Variants in STMND1 observed in about 807,000 individuals in gnomAD.
The protein encoded by STMND1 is stathmin domain containing 1, also known as stathmin domain-containing protein 1.
Under a neutral mutation model 23.0 loss-of-function variants are expected in STMND1, and 17 were observed. The ratio of observed to expected loss-of-function variants is 0.74; its 90% CI spans 0.51 to 1.11. The LOEUF is 1.11. Among genes scored for constraint, STMND1 ranks in the 50% least tolerant of loss-of-function variants. The pLI is 0.00. For missense variants in STMND1, 305 were observed against 329.1 expected, an observed-to-expected ratio of 0.93 and a Z score of 0.57; for synonymous variants, 114 against 119.9, an observed-to-expected ratio of 0.95 and a Z score of 0.32.
Position 17,102,145 on chromosome 6 carries a change from G to C in STMND1, c.-113G>C, listed in dbSNP as rs1760944816. Reference sequence around the variant, plus strand: ...GTGGCGCCCGAGCGCAGTAGCAGGGGCGTAGGGCGCAGGGCGCAGGAGCGC... The same window carrying C: ...GTGGCGCCCGAGCGCAGTAGCAGGGCCGTAGGGCGCAGGGCGCAGGAGCGC... On this transcript the variant is annotated 5_prime_UTR_variant, in exon 1 of 5. Transcript: ENST00000536551. 1 of 1,085,964 alleles carries C rather than the reference G, an allele frequency of 9.2e-7. No homozygotes were observed. Among genetic ancestry groups the C allele is most frequent in the Admixed American group, 4.1e-5 (1 of 24,128 alleles). The allele number at this position is 1,085,964 out of a possible 1,614,324, so 67.3% of individuals were successfully genotyped here.
chr6:17,107,126 C>T (rs993690617), intron 1 of STMND1, among the ~76,000 whole-genome samples: 9 of 152,078 alleles, frequency 5.9e-5, no homozygotes, highest in Non-Finnish European at 8.8e-5. Context: ...TGTCTATAGA[C>T]AAATATATTC....
At position 17,104,948 on chromosome 6, in the gene STMND1, A is replaced by C. The variant is rs141046908; in HGVS notation, c.81+2610A>C. On this transcript the variant is annotated intron_variant, in intron 1 of 4. Coordinates refer to ENST00000536551, the MANE Select transcript of STMND1 (RefSeq NM_001190766.2). ...CTGTGGGTTCCACATTCAGGGATAC[A>C]AGAAGCATGGCTGGAAAATATTCTT... Among the ~76,000 whole-genome samples the C allele has an allele frequency of 5.8e-3, 889 of 152,304 alleles. 8 individuals carry two copies. Among genetic ancestry groups the C allele is most frequent in the African/African-American group, 0.021 (854 of 41,564 alleles).
At chr6:17,127,575 C>T (rs769129918) in intron 3 of STMND1, among the ~76,000 whole-genome samples, 22 of 152,080 alleles carry the variant, frequency 1.4e-4, no homozygotes, top group Non-Finnish European at 2.4e-4. Flanking sequence ...CAAAAAAACC[C>T]GTCATTCCAT....
At chr6:17,130,323 G>A (rs945865738) in intron 4 of STMND1, among the ~76,000 whole-genome samples, 6 of 152,200 alleles carry the variant, frequency 3.9e-5, no homozygotes, top group South Asian at 2.1e-4. Context: ...CCCTCCACGC[G>A]CCCTTGGCCA....
chr6:17,113,924 T>C (rs1300356430), intron 1 of STMND1, among the ~76,000 whole-genome samples: 2 of 152,204 alleles, frequency 1.3e-5, no homozygotes, highest in Non-Finnish European at 2.9e-5. Flanking sequence ...TAGATGCCTA[T>C]TAGATACTAT....
At chr6:17,107,837 A>G (rs963398896) in intron 1 of STMND1, among the ~76,000 whole-genome samples, 2 of 152,186 alleles carry the variant, frequency 1.3e-5, no homozygotes, top group African/African-American at 4.8e-5. Context: ...TACTGGTGTG[A>G]AAATATAAAT....
At chr6:17,113,967 C>A (rs1264697504) in intron 1 of STMND1, among the ~76,000 whole-genome samples, 1 of 152,140 alleles carries the variant, frequency 6.6e-6, no homozygotes, top group African/African-American at 2.4e-5. Context: ...AGCCAATTCA[C>A]ACAAATTTAG....
intron 2 of STMND1, 144 bp downstream of exon 2, chr6:17,115,283 A>G (rs1761144077): frequency 3.9e-6 from 3 of 761,170 alleles, no homozygotes; most frequent in Non-Finnish European, 6.0e-6. Context: ...TGTCTCTGAA[A>G]CATTAGAATT....
Position 17,131,140 on chromosome 6 carries a change from T to C in STMND1, c.*259T>C, listed in dbSNP as rs1761387728. The C allele has an allele frequency of 2.7e-6, 1 of 371,866 alleles. No homozygotes were observed. 23.0% of individuals were successfully genotyped at this position (371,866 alleles called of 1,614,324 possible). On this transcript the variant is annotated 3_prime_UTR_variant, in exon 5 of 5. Coordinates refer to ENST00000536551, the MANE Select transcript of STMND1 (RefSeq NM_001190766.2). ...CTCCTTTGTGTGGCTTCAAACATTA[T>C]GGAGATGTCTTTAATTCATTTATAA...
chr6:17,106,489 A>G (rs761967999), intron 1 of STMND1, among the ~76,000 whole-genome samples: 12 of 152,202 alleles, frequency 7.9e-5, no homozygotes, highest in Non-Finnish European at 1.3e-4. Context: ...CTAGTAGCCT[A>G]ACTAGACTAA....
At chr6:17,109,812 C>T (rs563487146) in intron 1 of STMND1, among the ~76,000 whole-genome samples, 36 of 152,296 alleles carry the variant, frequency 2.4e-4, no homozygotes, top group African/African-American at 7.7e-4. Flanking sequence ...CTGTTCCTTC[C>T]GTCCACTCCT....
chr6:17,108,696 C>CTTTT (rs10653504), intron 1 of STMND1, among the ~76,000 whole-genome samples: 1,942 of 138,702 alleles, frequency 0.014, 50 homozygotes, highest in African/African-American at 0.044. Flanking sequence ...TTTTCTTTTT[C>CTTTT]TTTTTTTTTT....
chr6:17,112,935 T>A (rs1300090937), intron 1 of STMND1, among the ~76,000 whole-genome samples: 1 of 152,206 alleles, frequency 6.6e-6, no homozygotes, highest in Admixed American at 6.5e-5. Flanking sequence ...CAACACTTGT[T>A]ATTGTGTGTC....
At chr6:17,114,824 C>A (rs1761136651) in intron 1 of STMND1, 138 bp from the exon 2 acceptor site, 3 of 918,948 alleles carry the variant, frequency 3.3e-6, no homozygotes, top group African/African-American at 1.7e-5. Flanking sequence ...GGGTTGGGGA[C>A]CCCGATCTAT....
At chr6:17,110,565 C>T (rs796265670) in intron 1 of STMND1, 5 of 275,078 alleles carry the variant, frequency 1.8e-5, no homozygotes, top group East Asian at 1.9e-4. Context: ...GTCAAGAATT[C>T]GAGACCAGCC....
intron 1 of STMND1, among the ~76,000 whole-genome samples, chr6:17,112,637 C>A (rs1460296532): frequency 2.0e-5 from 3 of 152,018 alleles, no homozygotes; most frequent in Non-Finnish European, 4.4e-5. Context: ...ATTAGCCAGA[C>A]GTGGTGGCAG....
chr6:17,129,381 T>G, intron 4 of STMND1, 138 bp downstream of exon 4: 1 of 877,472 alleles, frequency 1.1e-6, no homozygotes. Context: ...ATTTTACTAA[T>G]TTTTTTAAAA....
intron 3 of STMND1, chr6:17,128,087 G>C (rs1167884645): frequency 1.3e-5 from 2 of 152,114 alleles, no homozygotes; most frequent in Non-Finnish European, 2.9e-5. Flanking sequence ...TTATGTATCA[G>C]TTATATTTTT....
At chr6:17,129,864 T>C (rs375901545) in intron 4 of STMND1, among the ~76,000 whole-genome samples, 2 of 151,366 alleles carry the variant, frequency 1.3e-5, no homozygotes, top group African/African-American at 4.8e-5. Flanking sequence ...AAAAAAAAAA[T>C]TGTTTAGAGA....
Sources: gnomAD v4.1 joint callset for allele counts (sites outside exome capture counted in the v4.1 genomes callset) on GRCh38, gnomAD v4.1.1 for gene constraint, MANE v1.5 for transcripts, NCBI Gene and HGNC (gene_info 2026-07-23, HGNC 2026-07-21) for gene names.